B9D1: variants seen among roughly 807,000 people sequenced by gnomAD.
B9D1 encodes B9 domain-containing protein 1.
Under a neutral mutation model 26.1 loss-of-function variants are expected in B9D1, and 20 were observed. The ratio of observed to expected loss-of-function variants is 0.77; its 90% CI spans 0.54 to 1.12. The LOEUF (loss-of-function observed/expected upper bound fraction) is 1.12, where lower values mean the gene tolerates loss of function less well. B9D1 is among the 50% of genes most tolerant of loss of function. B9D1 has a pLI of 0.00. For missense variants in B9D1, 260 were observed against 273.7 expected (o/e 0.95, Z 0.35); for synonymous variants, 105 against 103.1 (o/e 1.02, Z -0.11).
chr17:19,345,050 C>T lies in B9D1; in HGVS notation c.405-1193G>A, dbSNP rs1355615770. ...CCAGCAGATCCCATCCCGGAGCTCA[C>T]ATGGAGCTCCCGTTCCCACTGAATT... On this transcript the variant is annotated intron_variant, in intron 5 of 6. Transcript: ENST00000261499. 2.0e-5 allele frequency among the ~76,000 whole-genome samples: 3 copies of T among 152,252 alleles called. No individual in the cohort carries two copies. The East Asian group carries it at 5.8e-4, about 29-fold the overall frequency.
chr17:19,347,672 C>T lies in B9D1; in HGVS notation c.341+112G>A, dbSNP rs970638468. The T allele has an allele frequency of 1.0e-5, 11 of 1,095,126 alleles. No individual in the cohort carries two copies. The highest frequency in any genetic ancestry group is 1.5e-5 in the Non-Finnish European group (11 of 736,774). The allele number at this position is 1,095,126 out of a possible 1,614,324, so 67.8% of individuals were successfully genotyped here. A position where few individuals can be genotyped will look rare whatever the true frequency, so the allele number is the denominator to read the frequency against. On this transcript the variant is annotated intron_variant, in intron 4 of 6. Coordinates refer to ENST00000261499, the MANE Select transcript of B9D1 (RefSeq NM_015681.6). This position sits in a 1 kb window ranked among gnomAD's most constrained non-coding sequence, Gnocchi z 4.3. The stretch of plus-strand genomic sequence containing the variant: ...CCCCTGGCCACCAGGCTGAGCTGCC[C>T]AGGCCCCTGGAGACCCCAGAGCATT...
At chr17:19,365,907 TC>T (rs1458804678), upstream of B9D1, among the ~76,000 whole-genome samples, 1 of 152,054 alleles carries the variant, frequency 6.6e-6, no homozygotes, top group African/African-American at 2.4e-5. The surrounding 1 kb of genome is among the most constrained non-coding windows in gnomAD (Gnocchi z 5.0). Context: ...TTGCAGCTAT[TC>T]TTGTTGCTGA....
Position 19,359,939 on chromosome 17 carries a change from C to T in B9D1, c.132+381G>A, listed in dbSNP as rs866725461. Among the ~76,000 whole-genome samples the T allele has an allele frequency of 1.5e-4, 23 of 152,314 alleles. No homozygotes were observed. The highest frequency in any genetic ancestry group is 4.1e-4 in the African/African-American group (17 of 41,566). ...CTTGGGAAGTCCTGGAAGGAGAGCT[C>T]CTACTCTGTCTTTTTACTCCAGGTC... On this transcript the variant is annotated intron_variant, in intron 2 of 6. Coordinates refer to ENST00000261499, the MANE Select transcript of B9D1 (RefSeq NM_015681.6). This position sits in a 1 kb window ranked among gnomAD's most constrained non-coding sequence, Gnocchi z 5.0.
At chr17:19,354,039 C>T (rs1017533314) in intron 3 of B9D1, among the ~76,000 whole-genome samples, 5 of 152,192 alleles carry the variant, frequency 3.3e-5, no homozygotes, top group African/African-American at 1.2e-4. Flanking sequence ...TCAAATAGCT[C>T]AGTATTTTTA....
At chr17:19,335,430 G>A, downstream of B9D1, 2 of 1,549,822 alleles carry the variant, frequency 1.3e-6, no homozygotes, top group South Asian at 2.4e-5. Context: ...CAGGACTTCT[G>A]TTTACAATGG....
chr17:19,342,982 G>A, downstream of B9D1: 1 of 798,614 alleles, frequency 1.3e-6, no homozygotes, highest in Non-Finnish European at 1.7e-6. Context: ...AGCTTTGAGT[G>A]GCAGAACCTG....
upstream of B9D1, chr17:19,362,801 C>T (rs1435834416): frequency 1.5e-6 from 2 of 1,313,598 alleles, no homozygotes; most frequent in South Asian, 1.3e-5. Flanking sequence ...TCCACCCCTC[C>T]TTAGGGCAGG....
At chr17:19,373,517 G>A (rs1241984099) in intron 1 of B9D1, among the ~76,000 whole-genome samples, 7 of 151,584 alleles carry the variant, frequency 4.6e-5, no homozygotes, top group African/African-American at 1.7e-4. Flanking sequence ...TCAGCCTCCC[G>A]AGCAGCTGGG....
intron 3 of B9D1, among the ~76,000 whole-genome samples, chr17:19,352,351 C>CTT (rs776525255): frequency 6.9e-6 from 1 of 145,982 alleles, no homozygotes; most frequent in East Asian, 2.0e-4. Flanking sequence ...TTACTAATTT[C>CTT]TTTTTTTTTT....
intron 3 of B9D1, among the ~76,000 whole-genome samples, chr17:19,350,845 CT>C (rs1263595723): frequency 4.1e-4 from 57 of 140,156 alleles, no homozygotes; most frequent in Admixed American, 4.3e-4. Flanking sequence ...TTTTTTTTTT[CT>C]TTTTTTTTTT....
intron 3 of B9D1, 82 bp downstream of exon 3, chr17:19,357,758 G>A: frequency 2.0e-6 from 2 of 993,636 alleles, no homozygotes; most frequent in Non-Finnish European, 3.2e-6. Flanking sequence ...GAACAGTCAT[G>A]GGCTGGATGA....
At chr17:19,341,365 G>A, downstream of B9D1, 7 of 1,214,638 alleles carry the variant, frequency 5.8e-6, no homozygotes, top group Non-Finnish European at 7.2e-6. Context: ...GCAGCTGAGG[G>A]TGCTGGGCTT....
At chr17:19,346,969 T>A in intron 5 of B9D1, 1 of 1,515,044 alleles carries the variant, frequency 6.6e-7, no homozygotes, top group East Asian at 2.5e-5. Flanking sequence ...TTCCCACCTT[T>A]TAATGTCACA....
intron 6 of B9D1, 128 bp downstream of exon 6, chr17:19,343,661 TG>T: frequency 6.2e-7 from 1 of 1,601,666 alleles, no homozygotes; most frequent in South Asian, 1.1e-5. Context: ...GGCCCTCATC[TG>T]GGAACATTTG....
Position 19,372,499 on chromosome 17 carries a change from C to G in B9D1, c.-298+5360G>C, listed in dbSNP as rs886433463. Among the ~76,000 whole-genome samples the G allele has an allele frequency of 6.6e-6, 1 of 152,366 alleles. No homozygotes were observed. Among genetic ancestry groups the G allele is most frequent in the East Asian group, 1.9e-4 (1 of 5,184 alleles). Reference sequence around the variant, plus strand: ...TGTGTCCTTTGCCCCCACTGTCCCTCTGCTGCCGCATGCTCGTCTATTAGG... The same window carrying G: ...TGTGTCCTTTGCCCCCACTGTCCCTGTGCTGCCGCATGCTCGTCTATTAGG... On this transcript the variant is annotated intron_variant, in intron 1 of 5. Transcript: ENST00000477478. This position sits in a 1 kb window ranked among gnomAD's most constrained non-coding sequence, Gnocchi z 4.4.
At chr17:19,338,933 G>A (rs1044359157), downstream of B9D1, among the ~76,000 whole-genome samples, 2 of 152,206 alleles carry the variant, frequency 1.3e-5, no homozygotes, top group Non-Finnish European at 2.9e-5. Context: ...TTGTTACACA[G>A]CAATGGACAA....
At chr17:19,367,522 G>A (rs139331851), upstream of B9D1, among the ~76,000 whole-genome samples, 35 of 152,248 alleles carry the variant, frequency 2.3e-4, no homozygotes, top group African/African-American at 7.9e-4. Context: ...ATGTTGGCCA[G>A]GCTGGGCTCA....
intron 1 of B9D1, among the ~76,000 whole-genome samples, chr17:19,376,624 CAAAAAAA>C (rs56972267): frequency 0.018 from 867 of 48,968 alleles, 6 homozygotes; most frequent in African/African-American, 0.05. Flanking sequence ...TACTAAAATA[CAAAAAAA>C]AAAAAAAAAA....
Position 19,359,600 on chromosome 17 carries a change from CTAACATCCTAGAATA to C in B9D1, c.132+705_132+719del, listed in dbSNP as rs1344809831. On this transcript the variant is annotated intron_variant, in intron 2 of 6. Coordinates refer to ENST00000261499, the MANE Select transcript of B9D1 (RefSeq NM_015681.6). The surrounding 1 kb of genome is among the most constrained non-coding windows in gnomAD (Gnocchi z 5.0). Reference sequence around the variant, plus strand: ...GGTCTCCCCTCACACTTCTGGCTTACTAACATCCTAGAATATGCACTCCTTATTATCTGACCCCCC... The same window carrying C: ...GGTCTCCCCTCACACTTCTGGCTTACTGCACTCCTTATTATCTGACCCCCC... Among the ~76,000 whole-genome samples, 1 of 152,184 alleles carries C rather than the reference CTAACATCCTAGAATA, an allele frequency of 6.6e-6. No homozygotes were observed. Among genetic ancestry groups the C allele is most frequent in the Non-Finnish European group, 1.5e-5 (1 of 68,032 alleles).
Sources: allele counts gnomAD v4.1 joint callset (sites outside exome capture counted in the v4.1 genomes callset), GRCh38; gene constraint gnomAD v4.1.1; non-coding constraint Gnocchi (gnomAD v3.1); transcripts MANE v1.5; gene names NCBI Gene and HGNC (gene_info 2026-07-23, HGNC 2026-07-21).